Variants in COL3A1 observed in about 807,000 individuals in gnomAD.
The protein encoded by COL3A1 is collagen alpha-1(III) chain.
A neutral mutation model predicts 200.9 loss-of-function variants in COL3A1; 46 were observed. That is an observed-to-expected ratio of 0.23 (90% confidence interval 0.18 to 0.29). The LOEUF (loss-of-function observed/expected upper bound fraction) is 0.29. Among genes scored for constraint, COL3A1 ranks in the 10% least tolerant of loss-of-function variants. The pLI is 1.00. For synonymous variants in COL3A1, 650 were observed against 628.0 expected (o/e 1.03, Z -0.52); for missense variants, 1,367 against 1,917.6 (o/e 0.71, Z 5.36).
intron 15 of COL3A1, among the ~76,000 whole-genome samples, 177 bp from the exon 16 acceptor site, chr2:188,993,184 C>G (rs1376298810): frequency 6.6e-6 from 1 of 152,122 alleles, no homozygotes; most frequent in African/African-American, 2.4e-5. Context: ...AATGCAATCA[C>G]ACACACATAG....
intron 14 of COL3A1, 87 bp downstream of exon 14, chr2:188,992,315 T>C: frequency 9.1e-7 from 1 of 1,093,648 alleles, no homozygotes; most frequent in South Asian, 1.3e-5. Flanking sequence ...ATGTATATAC[T>C]CTTAGGTATA....
rs2153503073 is a variant in COL3A1 at position 188,999,898 on chromosome 2, G to A, written c.2283+3G>A. On this transcript the variant is annotated splice_donor_region_variant and intron_variant, in intron 32 of 50. Transcript: ENST00000304636. Reference sequence around the variant, plus strand: ...TCCCAGGGAAAGATGGCCCAAGGGTGAGTATTCCCAGTGAGGAGAAGCAGG... The same window carrying A: ...TCCCAGGGAAAGATGGCCCAAGGGTAAGTATTCCCAGTGAGGAGAAGCAGG... The A allele has an allele frequency of 6.3e-7, 1 of 1,587,484 alleles. No homozygotes were observed. Among genetic ancestry groups the A allele is most frequent in the Non-Finnish European group, 8.6e-7 (1 of 1,167,706 alleles).
chr2:188,989,487 T>G (rs1688133851), intron 8 of COL3A1, 38 bp downstream of exon 8: 2 of 1,479,912 alleles, frequency 1.4e-6, no homozygotes, highest in East Asian at 2.3e-5. Context: ...ACAGCAAAAT[T>G]TAACTTGGTG....
Position 189,011,791 on chromosome 2 carries a change from A to G in COL3A1, c.*17A>G. 6.2e-7 allele frequency: 1 copy of G among 1,613,788 alleles called. No individual in the cohort carries two copies. Reference sequence around the variant, plus strand: ...TTTTTATAAACCAAACTCTATCTGAAATCCCAACAAAAAAAATTTAACTCC... The same window carrying G: ...TTTTTATAAACCAAACTCTATCTGAGATCCCAACAAAAAAAATTTAACTCC... On this transcript the variant is annotated 3_prime_UTR_variant, in exon 51 of 51. Coordinates refer to ENST00000304636, the MANE Select transcript of COL3A1 (RefSeq NM_000090.4).
intron 1 of COL3A1, among the ~76,000 whole-genome samples, chr2:188,984,513 C>T (rs984606096): frequency 1.3e-5 from 2 of 151,940 alleles, no homozygotes; most frequent in East Asian, 3.9e-4. Flanking sequence ...ATTAAAATAT[C>T]TGCTGGTCTT....
intron 7 of COL3A1, among the ~76,000 whole-genome samples, chr2:188,989,011 T>A (rs1300621038): frequency 6.6e-6 from 1 of 151,690 alleles, no homozygotes; most frequent in Non-Finnish European, 1.5e-5. Context: ...TACATATATC[T>A]TAGACAGTAG....
At position 188,993,440 on chromosome 2, in the gene COL3A1, C is replaced by G; in HGVS notation, c.1130C>G (p.Ala377Gly). The G allele has an allele frequency of 6.4e-7, 1 of 1,556,394 alleles. No individual in the cohort carries two copies. Among genetic ancestry groups the G allele is most frequent in the Admixed American group, 1.9e-5 (1 of 51,592 alleles). The change falls in exon 16 of 51, where the codon GCT becomes GGT. Residue 377 changes from alanine to glycine, a missense_variant. Ala to Gly is a moderately conservative substitution (Grantham distance 60). This residue lies in a region of COL3A1 where 462 missense variants were observed against 681.4 expected (regional missense o/e 0.68). Coordinates refer to ENST00000304636, the MANE Select transcript of COL3A1 (RefSeq NM_000090.4). The stretch of plus-strand genomic sequence containing the variant: ...GGAGAACCTGGACCTCAGGGACACG[C>G]TGGTGCTCAAGGTCCTCCTGTAAGT... ...QRGEPGPQGH[A>G]GAQGPPGPPG...
intron 1 of COL3A1, among the ~76,000 whole-genome samples, chr2:188,974,931 T>C (rs1687776530): frequency 6.6e-6 from 1 of 152,196 alleles, no homozygotes; most frequent in African/African-American, 2.4e-5. Flanking sequence ...AATAATTTTA[T>C]GTTCCTCTTT....
rs1688127647 is a variant in COL3A1, at chr2:188,989,308, T to G, written c.637-88T>G. The G allele has an allele frequency of 1.7e-5, 16 of 917,646 alleles. No individual in the cohort carries two copies. In the South Asian group the frequency reaches 2.4e-4, roughly 14 times the overall value. The allele number at this position is 917,646 out of a possible 1,614,324, so 56.8% of individuals were successfully genotyped here. On this transcript the variant is annotated intron_variant, in intron 7 of 50. Transcript: ENST00000304636. Reference sequence around the variant, plus strand: ...ATTAAAAGTATTTTCTAAAAGGAGGTTCCTTCCAGGAATACATACACTGTG... The same window carrying G: ...ATTAAAAGTATTTTCTAAAAGGAGGGTCCTTCCAGGAATACATACACTGTG...
intron 48 of COL3A1, 42 bp from the exon 49 acceptor site, chr2:189,010,135 TG>T: frequency 6.3e-7 from 1 of 1,592,464 alleles, no homozygotes; most frequent in Non-Finnish European, 8.6e-7. Context: ...ACTTTATTAC[TG>T]GATTTTATAA....
In COL3A1 at chr2:189,001,605, A is replaced by G. The variant is rs1333420106; in HGVS notation, c.2391+16A>G. ...TGGTAGCCCTGTAAGTGTTAAAGAC[A>G]TTCTCAACATACTTTTTAACCCCAT... On this transcript the variant is annotated intron_variant, in intron 34 of 50. Coordinates refer to ENST00000304636, the MANE Select transcript of COL3A1 (RefSeq NM_000090.4). 1 of 1,609,298 alleles carries G rather than the reference A, an allele frequency of 6.2e-7. No homozygotes were observed. Among genetic ancestry groups the G allele is most frequent in the Admixed American group, 1.7e-5 (1 of 59,940 alleles).
Position 188,974,394 on chromosome 2 carries a change from C to G in COL3A1, c.-96C>G, listed in dbSNP as rs941498756. 1.1e-6 allele frequency: 1 copy of G among 879,772 alleles called. No homozygotes were observed. Among genetic ancestry groups the G allele is most frequent in the Non-Finnish European group, 1.8e-6 (1 of 544,160 alleles). 54.5% of individuals were successfully genotyped at this position (879,772 alleles called of 1,614,324 possible). A position where few individuals can be genotyped will look rare whatever the true frequency, so the allele number is the denominator to read the frequency against. On this transcript the variant is annotated 5_prime_UTR_variant, in exon 1 of 51. Coordinates refer to ENST00000304636, the MANE Select transcript of COL3A1 (RefSeq NM_000090.4). ...CAGTGGCTGAGTTTTATGACGGGCC[C>G]GGTGCTGAAGGGCAGGGAACAACTT...
intron 44 of COL3A1, 75 bp downstream of exon 44, chr2:189,007,065 T>C: frequency 9.3e-7 from 1 of 1,074,662 alleles, no homozygotes; most frequent in Non-Finnish European, 1.3e-6. Flanking sequence ...GGAAATATTT[T>C]ATTTTCCAGC....
In COL3A1 at chr2:188,996,193, A is replaced by T. The variant is rs1469807555; in HGVS notation, c.1662+15A>T. The stretch of plus-strand genomic sequence containing the variant: ...CAGGGCCTCCCGTATGTACATTTTT[A>T]AAATCTCATTTTAAAAGGCCAGTTA... On this transcript the variant is annotated intron_variant, in intron 23 of 50. Transcript: ENST00000304636. The T allele has an allele frequency of 1.9e-6, 3 of 1,612,262 alleles. No homozygotes were observed. The highest frequency in any genetic ancestry group is 1.7e-6 in the Non-Finnish European group (2 of 1,178,798).
chr2:189,005,501 A>G, intron 41 of COL3A1, 44 bp downstream of exon 41: 1 of 1,530,394 alleles, frequency 6.5e-7, no homozygotes, highest in Non-Finnish European at 9.1e-7. Context: ...GAATTTGATA[A>G]TTTATTTCAG....
At chr2:188,985,581 A>G (rs1271817654) in intron 3 of COL3A1, 84 bp from the exon 4 acceptor site, 7 of 860,288 alleles carry the variant, frequency 8.1e-6, no homozygotes, top group Non-Finnish European at 1.1e-5. Context: ...TCCTAATATT[A>G]TAAAGTAGAG....
At chr2:189,002,625 TATA>T (rs1244573347) in intron 35 of COL3A1, among the ~76,000 whole-genome samples, 2 of 152,202 alleles carry the variant, frequency 1.3e-5, no homozygotes, top group Non-Finnish European at 2.9e-5. Flanking sequence ...ATTCTTCCAT[TATA>T]AGATGGTACT....
At position 189,005,473 on chromosome 2, in the gene COL3A1, T is replaced by C; in HGVS notation, c.3039+16T>C. 6.3e-7 allele frequency: 1 copy of C among 1,591,616 alleles called. No individual in the cohort carries two copies. The highest frequency in any genetic ancestry group is 8.6e-7 in the Non-Finnish European group (1 of 1,159,552). ...TGGAAGAGATGTGAGTAGCAGTTTT[T>C]ATTCAACCAGCCAGGTAGAATTTGA... On this transcript the variant is annotated intron_variant, in intron 41 of 50. Coordinates refer to ENST00000304636, the MANE Select transcript of COL3A1 (RefSeq NM_000090.4).
intron 50 of COL3A1, 31 bp downstream of exon 50, chr2:189,010,921 A>G: frequency 6.2e-7 from 1 of 1,613,680 alleles, no homozygotes; most frequent in Non-Finnish European, 8.5e-7. Flanking sequence ...TATAGGTCAT[A>G]AAGCAGTCAG....
Sources: allele counts gnomAD v4.1 joint callset (sites outside exome capture counted in the v4.1 genomes callset), GRCh38; gene constraint gnomAD v4.1.1; regional missense constraint gnomAD v4.1.1; transcripts MANE v1.5; gene names NCBI Gene and HGNC (gene_info 2026-07-23, HGNC 2026-07-21).